Variants in GPD1L observed in about 807,000 individuals in gnomAD.
GPD1L encodes the protein glycerol-3-phosphate dehydrogenase 1 like, also known as glycerol-3-phosphate dehydrogenase 1-like protein.
In GPD1L, 17 loss-of-function variants were observed where a neutral mutation model predicts 32.9. That is an observed-to-expected ratio of 0.52 (90% CI 0.35 to 0.78). The LOEUF (loss-of-function observed/expected upper bound fraction) is 0.78. GPD1L is among the 30% of genes least tolerant of loss of function. The probability of loss-of-function intolerance (pLI) is 0.01; values close to 1 mark genes in which losing one functional copy is unlikely to be tolerated. For synonymous variants in GPD1L, 187 were observed against 165.9 expected (o/e 1.13, Z -0.98); for missense variants, 361 against 447.8 (o/e 0.81, Z 1.75).
rs1559565644 is a variant in GPD1L, at chr3:32,106,751, G to A, written c.40G>A (p.Gly14Arg). 1 of 1,557,936 alleles carries A rather than the reference G, an allele frequency of 6.4e-7. No individual in the cohort carries two copies. Among genetic ancestry groups the A allele is most frequent in the Non-Finnish European group, 8.7e-7 (1 of 1,152,682 alleles). ...APLKVCIVGSGNWGSAVAKII... is the reference protein window; with the variant it reads ...APLKVCIVGSRNWGSAVAKII... ...CCTGAAAGTGTGCATCGTGGGCTCG[G>A]GGAACTGGTGAGCGGCGGCGGGCTG... The change falls in exon 1 of 8, where the codon GGG becomes AGG. Residue 14 changes from glycine to arginine, a missense_variant. Transcript: ENST00000282541. This position sits in a 1 kb window ranked among gnomAD's most constrained non-coding sequence, Gnocchi z 4.0.
rs151196281 is a variant in GPD1L, at chr3:32,146,671, T to A, written c.555T>A (p.Thr185=). The change falls in exon 5 of 8, where the codon ACT becomes ACA. Residue 185 remains threonine (T), a synonymous_variant. Transcript: ENST00000282541. ...TTCTCTTCAAAGAACTTCTGCAGAC[T>A]CCAAATTTTCGAATTACCGTGGTTG... is the stretch of plus-strand genomic sequence containing the variant. ...NGLLFKELLQ[T]PNFRITVVDD... The A allele has an allele frequency of 1.4e-5, 23 of 1,613,744 alleles. No homozygotes were observed. The African/African-American group carries it at 2.8e-4, about 20-fold the overall frequency.
chr3:32,129,075 T>C (rs1417559794), intron 2 of GPD1L, among the ~76,000 whole-genome samples: 1 of 152,258 alleles, frequency 6.6e-6, no homozygotes, highest in African/African-American at 2.4e-5. Context: ...GGGTGTACCC[T>C]GCTGCTTGTC....
intron 1 of GPD1L, among the ~76,000 whole-genome samples, chr3:32,121,143 G>A (rs1575108898): frequency 6.6e-6 from 1 of 151,786 alleles, no homozygotes; most frequent in African/African-American, 2.4e-5. Flanking sequence ...CCCCTGCCAC[G>A]CCATTTTCTC....
rs182978205 is a variant in GPD1L at position 32,140,801 on chromosome 3, G to A, written c.505+435G>A. On this transcript the variant is annotated intron_variant, in intron 4 of 7. Coordinates refer to ENST00000282541, the MANE Select transcript of GPD1L (RefSeq NM_015141.4). Reference sequence around the variant, plus strand: ...TTGGTTGAATGACCCCCATTTTCAGGTGAATGATAAGACTCAGAGAATAAA... The same window carrying A: ...TTGGTTGAATGACCCCCATTTTCAGATGAATGATAAGACTCAGAGAATAAA... Among the ~76,000 whole-genome samples the A allele has an allele frequency of 1.5e-3, 228 of 152,216 alleles. 2 individuals are homozygous for A. Among genetic ancestry groups the A allele is most frequent in the Admixed American group, 2.5e-3 (38 of 15,294 alleles).
chr3:32,144,486 A>C (rs1700791945), intron 4 of GPD1L, among the ~76,000 whole-genome samples: 1 of 152,230 alleles, frequency 6.6e-6, no homozygotes, highest in Admixed American at 6.5e-5. Context: ...ACAAACTAAA[A>C]TAAGGGTTTT....
chr3:32,168,570 C>G lies in GPD1L; in HGVS notation c.*2660C>G, dbSNP rs906432301. 1 of 152,620 alleles carries G rather than the reference C, an allele frequency of 6.6e-6. No homozygotes were observed. Among genetic ancestry groups the G allele is most frequent in the Admixed American group, 6.5e-5 (1 of 15,276 alleles). 9.5% of individuals were successfully genotyped at this position (152,620 alleles called of 1,614,324 possible). A position where few individuals can be genotyped will look rare whatever the true frequency, so the allele number is the denominator to read the frequency against. The stretch of plus-strand genomic sequence containing the variant: ...CCAAGAGGGTGTTGTGATGAGGTGC[C>G]GGTGTGCAAAGGGAACTTTAGTTTT... On this transcript the variant is annotated 3_prime_UTR_variant, in exon 8 of 8. Coordinates refer to ENST00000282541, the MANE Select transcript of GPD1L (RefSeq NM_015141.4).
chr3:32,156,075 C>G (rs1700984592), intron 5 of GPD1L, among the ~76,000 whole-genome samples: 1 of 152,136 alleles, frequency 6.6e-6, no homozygotes, highest in South Asian at 2.1e-4. Flanking sequence ...GGCAACTCAC[C>G]CCTTCTAGAA....
At position 32,113,025 on chromosome 3, in the gene GPD1L, A is replaced by G. The variant is rs142613363; in HGVS notation, c.47+6267A>G. Among the ~76,000 whole-genome samples the G allele has an allele frequency of 5.1e-3, 775 of 152,308 alleles. 9 individuals carry two copies. Among genetic ancestry groups the G allele is most frequent in the African/African-American group, 0.018 (742 of 41,568 alleles). On this transcript the variant is annotated intron_variant, in intron 1 of 7. Coordinates refer to ENST00000282541, the MANE Select transcript of GPD1L (RefSeq NM_015141.4). Reference sequence around the variant, plus strand: ...GTGTGAAGCATACTTTCACATGAGGATAAATATCATTTTCATAAAAATGTT... The same window carrying G: ...GTGTGAAGCATACTTTCACATGAGGGTAAATATCATTTTCATAAAAATGTT...
intron 1 of GPD1L, among the ~76,000 whole-genome samples, chr3:32,119,657 A>T (rs1341280477): frequency 6.6e-6 from 1 of 152,234 alleles, no homozygotes. Flanking sequence ...CTTTGACTGC[A>T]AAGAATTACG....
At chr3:32,126,292 T>G (rs937410227) in intron 1 of GPD1L, among the ~76,000 whole-genome samples, 8 of 152,220 alleles carry the variant, frequency 5.3e-5, no homozygotes, top group Non-Finnish European at 1.2e-4. Context: ...AATGTTTGGC[T>G]TCCCCAAGAG....
At chr3:32,126,962 G>A (rs1700516656) in intron 1 of GPD1L, among the ~76,000 whole-genome samples, 1 of 152,158 alleles carries the variant, frequency 6.6e-6, no homozygotes, top group East Asian at 1.9e-4. Flanking sequence ...GTCAGGAAAG[G>A]GACAATATTT....
At chr3:32,135,694 C>G (rs1334686839) in intron 2 of GPD1L, among the ~76,000 whole-genome samples, 2 of 152,152 alleles carry the variant, frequency 1.3e-5, no homozygotes, top group Non-Finnish European at 2.9e-5. Flanking sequence ...CTCAAGCGAT[C>G]CACCCACCTC....
At chr3:32,123,765 CAGAG>C (rs1175780407) in intron 1 of GPD1L, among the ~76,000 whole-genome samples, 1 of 149,034 alleles carries the variant, frequency 6.7e-6, no homozygotes, top group Non-Finnish European at 1.5e-5. Flanking sequence ...GGTAGATAGA[CAGAG>C]AGATAGATAT....
intron 1 of GPD1L, among the ~76,000 whole-genome samples, chr3:32,107,378 T>C (rs1161062962): frequency 7.2e-5 from 11 of 152,216 alleles, no homozygotes; most frequent in Non-Finnish European, 1.0e-4. Context: ...TTGCGAAGCT[T>C]TGCGTCTCTT....
In GPD1L at chr3:32,112,471, C is replaced by CA. The variant is rs540855964; in HGVS notation, c.47+5721dup. ...ACAACTTAGTGAGACCCTGTCTGTACAAAAAAAATACAAAAATTAGCTGGG... is the reference window on the plus strand; with the variant it reads ...ACAACTTAGTGAGACCCTGTCTGTACAAAAAAAAATACAAAAATTAGCTGGG... On this transcript the variant is annotated intron_variant, in intron 1 of 7. Transcript: ENST00000282541. Among the ~76,000 whole-genome samples the CA allele has an allele frequency of 1.4e-3, 207 of 151,680 alleles. 1 individual carries two copies. In the East Asian group the frequency reaches 0.029, roughly 21 times the overall value.
chr3:32,143,372 C>CT (rs1434485457), intron 4 of GPD1L, among the ~76,000 whole-genome samples: 2 of 152,004 alleles, frequency 1.3e-5, no homozygotes, highest in Non-Finnish European at 1.5e-5. Context: ...ATTACAGGTG[C>CT]GAGCCACTGT....
At chr3:32,163,207 C>T (rs1190393419) in intron 7 of GPD1L, among the ~76,000 whole-genome samples, 1 of 116,532 alleles carries the variant, frequency 8.6e-6, no homozygotes, top group South Asian at 2.9e-4. Context: ...CTTGCTCTGT[C>T]GCCCAGGCTG....
intron 4 of GPD1L, among the ~76,000 whole-genome samples, chr3:32,145,176 G>A (rs997308619): frequency 6.6e-6 from 1 of 151,930 alleles, no homozygotes; most frequent in African/African-American, 2.4e-5. Context: ...AAACTTAGCC[G>A]AGTATGGTGG....
intron 2 of GPD1L, among the ~76,000 whole-genome samples, chr3:32,135,739 A>G (rs1456630363): frequency 6.6e-6 from 1 of 152,194 alleles, no homozygotes; most frequent in Non-Finnish European, 1.5e-5. Context: ...TACAGGCATG[A>G]GCATGGCGCC....
Sources: gnomAD v4.1 joint callset for allele counts (sites outside exome capture counted in the v4.1 genomes callset) on GRCh38, gnomAD v4.1.1 for gene constraint, Gnocchi (gnomAD v3.1) non-coding constraint, MANE v1.5 for transcripts, NCBI Gene and HGNC (gene_info 2026-07-23, HGNC 2026-07-21) for gene names.